IKZF1: variants seen among roughly 807,000 people sequenced by gnomAD.
IKZF1 encodes IKAROS family zinc finger 1, also known as DNA-binding protein Ikaros.
IKZF1 carries 10 observed loss-of-function variants against 51.7 expected under a neutral mutation model. The observed-to-expected ratio is 0.19, with a 90% CI of 0.12 to 0.33. The LOEUF (loss-of-function observed/expected upper bound fraction) is 0.33, where lower values mean the gene tolerates loss of function less well. IKZF1 is among the 10% of genes least tolerant of loss of function. IKZF1 has a pLI of 1.00. For synonymous variants in IKZF1, 280 were observed against 282.3 expected (o/e 0.99, Z 0.08); for missense variants, 484 against 707.5 (o/e 0.68, Z 3.58).
chr7:50,318,777 G>A (rs1792290388), intron 1 of IKZF1, among the ~76,000 whole-genome samples: 1 of 152,068 alleles, frequency 6.6e-6, no homozygotes, highest in Non-Finnish European at 1.5e-5. Context: ...TTGCATTTTG[G>A]GTTATTATGC....
chr7:50,399,781 G>C, intron 7 of IKZF1, 137 bp from the exon 8 acceptor site: 2 of 1,314,076 alleles, frequency 1.5e-6, no homozygotes, highest in Non-Finnish European at 2.0e-6. Context: ...GTGTGCAGGT[G>C]TGGGGTCCGC....
chr7:50,369,253 A>C (rs948024079), intron 3 of IKZF1: 10 of 352,670 alleles, frequency 2.8e-5, no homozygotes, highest in Non-Finnish European at 5.1e-6. Flanking sequence ...TATTTTGAGA[A>C]GTCAAATGCA....
chr7:50,334,048 G>A (rs1314247165), intron 3 of IKZF1, among the ~76,000 whole-genome samples: 5 of 152,136 alleles, frequency 3.3e-5, no homozygotes, highest in Non-Finnish European at 2.9e-5. Flanking sequence ...TCATTGCTTC[G>A]CATTTCAAAG....
chr7:50,312,164 A>T (rs1217200666), intron 1 of IKZF1, among the ~76,000 whole-genome samples: 2 of 152,188 alleles, frequency 1.3e-5, no homozygotes, highest in Admixed American at 6.5e-5. Flanking sequence ...TAAGTGATGA[A>T]GTGTGAAACG....
intron 3 of IKZF1, among the ~76,000 whole-genome samples, chr7:50,337,985 C>G (rs1798177109): frequency 6.6e-6 from 1 of 152,154 alleles, no homozygotes; most frequent in Non-Finnish European, 1.5e-5. Context: ...CAGTACTTCC[C>G]ACTCGTAAGA....
At chr7:50,333,084 GAA>G (rs1287359926) in intron 3 of IKZF1, among the ~76,000 whole-genome samples, 1 of 143,126 alleles carries the variant, frequency 7.0e-6, no homozygotes, top group Admixed American at 6.9e-5. Context: ...TAGCCTAATT[GAA>G]AAAAAAAAAA....
At chr7:50,383,391 A>T (rs1038819570) in intron 5 of IKZF1, among the ~76,000 whole-genome samples, 1 of 152,224 alleles carries the variant, frequency 6.6e-6, no homozygotes. Flanking sequence ...TCAGCCTGCA[A>T]AGTTCAAATC....
At chr7:50,358,216 C>T (rs1348706846) in intron 3 of IKZF1, among the ~76,000 whole-genome samples, 1 of 152,160 alleles carries the variant, frequency 6.6e-6, no homozygotes, top group Non-Finnish European at 1.5e-5. Context: ...AAGGGAGGAA[C>T]CCCCCTTACT....
intron 3 of IKZF1, among the ~76,000 whole-genome samples, chr7:50,333,563 GA>G (rs1445474532): frequency 3.3e-4 from 51 of 152,336 alleles, no homozygotes; most frequent in African/African-American, 1.2e-3. Context: ...TAGCTGGGGA[GA>G]AATATTATCT....
At chr7:50,325,790 T>A (rs1794827711) in intron 2 of IKZF1, among the ~76,000 whole-genome samples, 1 of 151,620 alleles carries the variant, frequency 6.6e-6, no homozygotes, top group African/African-American at 2.4e-5. Context: ...AAAAAAAAAA[T>A]TCTATTTACA....
chr7:50,363,404 G>C (rs763152199), intron 3 of IKZF1, among the ~76,000 whole-genome samples: 2 of 152,074 alleles, frequency 1.3e-5, no homozygotes, highest in Non-Finnish European at 2.9e-5. Context: ...CTGGTGGAGT[G>C]GGAAGGAGAC....
At chr7:50,347,744 G>A (rs1479697788) in intron 3 of IKZF1, among the ~76,000 whole-genome samples, 1 of 152,184 alleles carries the variant, frequency 6.6e-6, no homozygotes, top group East Asian at 1.9e-4. Flanking sequence ...TTACATGTTT[G>A]ACGCGTGTCA....
chr7:50,321,802 C>T (rs1793418038), intron 2 of IKZF1, among the ~76,000 whole-genome samples: 1 of 152,000 alleles, frequency 6.6e-6, no homozygotes. Flanking sequence ...TTGTCTTTAC[C>T]ATAATACAAA....
At chr7:50,348,046 T>A (rs1368481442) in intron 3 of IKZF1, among the ~76,000 whole-genome samples, 2 of 152,164 alleles carry the variant, frequency 1.3e-5, no homozygotes, top group African/African-American at 4.8e-5. Context: ...GACATTTTAG[T>A]GTAACCAAAG....
intron 3 of IKZF1, among the ~76,000 whole-genome samples, chr7:50,372,922 C>T (rs1158038828): frequency 1.3e-5 from 2 of 152,222 alleles, no homozygotes; most frequent in African/African-American, 4.8e-5. Flanking sequence ...CATTATGTCT[C>T]AGTCAGTGAA....
At chr7:50,396,828 G>A (rs1438671423) in intron 7 of IKZF1, among the ~76,000 whole-genome samples, 1 of 152,148 alleles carries the variant, frequency 6.6e-6, no homozygotes, top group Non-Finnish European at 1.5e-5. Context: ...CTGAAATTTA[G>A]TTAAATACCC....
At chr7:50,399,229 C>T (rs56948134) in intron 7 of IKZF1, among the ~76,000 whole-genome samples, 5,990 of 152,254 alleles carry the variant, frequency 0.039, 260 homozygotes, top group African/African-American at 0.11. Flanking sequence ...AGCCCTGCTT[C>T]GGGCCTGCCA....
intron 2 of IKZF1, among the ~76,000 whole-genome samples, chr7:50,326,273 A>T (rs1479590556): frequency 6.6e-6 from 1 of 152,224 alleles, no homozygotes; most frequent in African/African-American, 2.4e-5. Context: ...TCATTTGCAC[A>T]CACTCTCAAA....
At chr7:50,361,688 C>A (rs6592990) in intron 3 of IKZF1, among the ~76,000 whole-genome samples, 1 of 152,044 alleles carries the variant, frequency 6.6e-6, no homozygotes. Context: ...CCATCCTGAC[C>A]AACATGGTGA....
Sources: gnomAD v4.1 joint callset for allele counts (sites outside exome capture counted in the v4.1 genomes callset) on GRCh38, gnomAD v4.1.1 for gene constraint, MANE v1.5 for transcripts, NCBI Gene and HGNC (gene_info 2026-07-23, HGNC 2026-07-21) for gene names.